The following SUSD6 variants were observed in gnomAD, a reference collection of about 807,000 sequenced individuals.
The protein encoded by SUSD6 is sushi domain-containing protein 6.
Under a neutral mutation model 28.4 loss-of-function variants are expected in SUSD6, and 16 were observed. The ratio of observed to expected loss-of-function variants is 0.56; its 90% CI spans 0.38 to 0.86. SUSD6 has a LOEUF of 0.86. Among genes scored for constraint, SUSD6 ranks in the 40% least tolerant of loss-of-function variants. SUSD6 has a pLI of 0.00. For synonymous variants in SUSD6, 147 were observed against 159.6 expected (o/e 0.92, Z 0.59); for missense variants, 341 against 384.2 (o/e 0.89, Z 0.94).
intron 2 of SUSD6, among the ~76,000 whole-genome samples, chr14:69,662,362 T>G (rs1314649234): frequency 3.3e-5 from 5 of 152,204 alleles, no homozygotes; most frequent in African/African-American, 9.7e-5. Context: ...ATCACAGTTT[T>G]GATCACAGTC....
At chr14:69,693,412 T>C (rs1263885863) in intron 2 of SUSD6, among the ~76,000 whole-genome samples, 2 of 152,050 alleles carry the variant, frequency 1.3e-5, no homozygotes, top group African/African-American at 4.8e-5. Context: ...GCCTGGGCTG[T>C]ATTGTCGAGA....
intron 5 of SUSD6, among the ~76,000 whole-genome samples, chr14:69,709,313 T>C (rs1886430540): frequency 6.6e-6 from 1 of 152,206 alleles, no homozygotes; most frequent in African/African-American, 2.4e-5. Flanking sequence ...CTGACGCCTG[T>C]GAATTCTGAT....
Position 69,689,761 on chromosome 14 carries a change from C to T in SUSD6, c.122-13634C>T, listed in dbSNP as rs140968501. ...ACTTACTGAAGCCTCCACCTCCTGG[C>T]TTCAAGCAATTCTCATGACAAGCCC... is the stretch of plus-strand genomic sequence containing the variant. On this transcript the variant is annotated intron_variant, in intron 2 of 5. Transcript: ENST00000342745. 2.3e-4 allele frequency among the ~76,000 whole-genome samples: 35 copies of T among 152,298 alleles called. No homozygotes were observed. The East Asian group carries it at 6.8e-3, about 29-fold the overall frequency.
chr14:69,678,140 A>AGT (rs1198812734), intron 2 of SUSD6, among the ~76,000 whole-genome samples: 2 of 151,946 alleles, frequency 1.3e-5, no homozygotes, highest in Non-Finnish European at 2.9e-5. Flanking sequence ...CTGCTTCAAC[A>AGT]GTGTTTGGAT....
At chr14:69,655,233 G>A (rs573871854) in intron 1 of SUSD6, among the ~76,000 whole-genome samples, 1 of 152,000 alleles carries the variant, frequency 6.6e-6, no homozygotes, top group Non-Finnish European at 1.5e-5. Context: ...TTCCATATTA[G>A]CACAGGTTGA....
chr14:69,711,057 AC>A lies in SUSD6; in HGVS notation c.*79del. The stretch of plus-strand genomic sequence containing the variant: ...CTCCCTGTGGGATTGAGCACCCTGT[AC>A]TCTCCAGCCACCTTACCTGGATACC... On this transcript the variant is annotated 3_prime_UTR_variant, in exon 6 of 6. Coordinates refer to ENST00000342745, the MANE Select transcript of SUSD6 (RefSeq NM_014734.4). 1 of 1,447,110 alleles carries A rather than the reference AC, an allele frequency of 6.9e-7. No individual in the cohort carries two copies. Among genetic ancestry groups the A allele is most frequent in the African/African-American group, 1.4e-5 (1 of 71,468 alleles). The allele number at this position is 1,447,110 out of a possible 1,614,324, so 89.6% of individuals were successfully genotyped here.
chr14:69,698,108 A>G (rs889570262), intron 2 of SUSD6, among the ~76,000 whole-genome samples: 1 of 152,258 alleles, frequency 6.6e-6, no homozygotes, highest in African/African-American at 2.4e-5. Context: ...CGGGCAGATC[A>G]CTTGAGGTCA....
At chr14:69,634,213 G>A (rs2139598704) in intron 1 of SUSD6, among the ~76,000 whole-genome samples, 1 of 152,330 alleles carries the variant, frequency 6.6e-6, no homozygotes, top group South Asian at 2.1e-4. Context: ...GGTGTGAAAG[G>A]TGCCTGGCCA....
chr14:69,705,626 C>T (rs1368952278), intron 4 of SUSD6, among the ~76,000 whole-genome samples: 4 of 152,212 alleles, frequency 2.6e-5, no homozygotes, highest in Admixed American at 2.6e-4. Flanking sequence ...CCTCCATTCC[C>T]ATTCTGATTT....
intron 1 of SUSD6, among the ~76,000 whole-genome samples, chr14:69,636,732 G>A (rs1885271492): frequency 6.6e-6 from 1 of 152,216 alleles, no homozygotes; most frequent in Admixed American, 6.5e-5. Context: ...GTCTGGCAGA[G>A]GCCTGGACGA....
chr14:69,688,646 G>A (rs1307764159), intron 2 of SUSD6, among the ~76,000 whole-genome samples: 1 of 152,172 alleles, frequency 6.6e-6, no homozygotes, highest in East Asian at 1.9e-4. Context: ...AACTTGAGAA[G>A]CATGATGAAT....
At chr14:69,710,590 A>G (rs930354511) in intron 5 of SUSD6, among the ~76,000 whole-genome samples, 1 of 152,224 alleles carries the variant, frequency 6.6e-6, no homozygotes, top group African/African-American at 2.4e-5. Flanking sequence ...ATTTATCCAA[A>G]GTCACACGAC....
In SUSD6 at chr14:69,712,816, C is replaced by G. The variant is rs980138731; in HGVS notation, c.*1837C>G. 2 of 152,582 alleles carry G rather than the reference C, an allele frequency of 1.3e-5. No individual in the cohort carries two copies. Among genetic ancestry groups the G allele is most frequent in the Admixed American group, 1.3e-4 (2 of 15,284 alleles). 9.5% of individuals were successfully genotyped at this position (152,582 alleles called of 1,614,324 possible). A position where few individuals can be genotyped will look rare whatever the true frequency, so the allele number is the denominator to read the frequency against. ...TGCCTGTTGGCCACTCCCACACTTCCCCTCCCCCAGGAGCCCTCATCTGCT... is the reference window on the plus strand; with the variant it reads ...TGCCTGTTGGCCACTCCCACACTTCGCCTCCCCCAGGAGCCCTCATCTGCT... On this transcript the variant is annotated 3_prime_UTR_variant, in exon 6 of 6. Transcript: ENST00000342745.
intron 1 of SUSD6, among the ~76,000 whole-genome samples, chr14:69,616,744 G>A (rs149487742): frequency 6.6e-6 from 1 of 151,852 alleles, no homozygotes; most frequent in East Asian, 1.9e-4. Context: ...TGTGTATTCT[G>A]TTTTTTCCAT....
Position 69,646,700 on chromosome 14 carries a change from C to CTTTTT in SUSD6, c.-80-11798_-80-11794dup, listed in dbSNP as rs61409476. On this transcript the variant is annotated intron_variant, in intron 1 of 5. Coordinates refer to ENST00000342745, the MANE Select transcript of SUSD6 (RefSeq NM_014734.4). ...AAAACTTAGGCTTTTTTTTTTCCAT[C>CTTTTT]TTTTTTTTTTTTTTTTTTTGAGACA... Among the ~76,000 whole-genome samples, 168 of 109,196 alleles carry CTTTTT rather than the reference C, an allele frequency of 1.5e-3. 3 individuals are homozygous for CTTTTT. Among genetic ancestry groups the CTTTTT allele is most frequent in the Non-Finnish European group, 1.7e-3 (96 of 58,006 alleles). The allele number at this position is 109,196 out of a possible 152,430, so 71.6% of individuals were successfully genotyped here.
At chr14:69,658,847 T>A in intron 2 of SUSD6, 134 bp downstream of exon 2, 3 of 1,161,598 alleles carry the variant, frequency 2.6e-6, no homozygotes, top group South Asian at 1.4e-5. Context: ...GCTTTTGTGG[T>A]AAATATAGCA....
rs1440453503 is a variant in SUSD6 at position 69,712,001 on chromosome 14, C to T, written c.*1022C>T. 1 of 152,310 alleles carries T rather than the reference C, an allele frequency of 6.6e-6. No homozygotes were observed. Among genetic ancestry groups the T allele is most frequent in the African/African-American group, 2.4e-5 (1 of 41,450 alleles). The allele number at this position is 152,310 out of a possible 1,614,324, so 9.4% of individuals were successfully genotyped here. A position where few individuals can be genotyped will look rare whatever the true frequency, so the allele number is the denominator to read the frequency against. On this transcript the variant is annotated 3_prime_UTR_variant, in exon 6 of 6. Transcript: ENST00000342745. The stretch of plus-strand genomic sequence containing the variant: ...CACTGGCAGTCTGGGCAGGTTGCCC[C>T]TTTCTGGGTTTGTGGTGACGGAGGG...
intron 2 of SUSD6, among the ~76,000 whole-genome samples, chr14:69,681,108 A>G (rs779567363): frequency 2.6e-5 from 4 of 152,208 alleles, no homozygotes; most frequent in Non-Finnish European, 5.9e-5. Context: ...GTCTTCCTAC[A>G]TGCCTTTCCT....
At chr14:69,621,735 T>C (rs75686111) in intron 1 of SUSD6, among the ~76,000 whole-genome samples, 62 of 152,334 alleles carry the variant, frequency 4.1e-4, no homozygotes, top group African/African-American at 1.4e-3. Context: ...CTTTTCTCTT[T>C]GTTCTCCACA....
Sources: allele counts gnomAD v4.1 joint callset (sites outside exome capture counted in the v4.1 genomes callset), GRCh38; gene constraint gnomAD v4.1.1; transcripts MANE v1.5; gene names NCBI Gene and HGNC (gene_info 2026-07-23, HGNC 2026-07-21).